Variants in ELP4 observed in about 807,000 individuals in gnomAD.
ELP4 encodes the protein elongator complex protein 4.
In ELP4, 51 loss-of-function variants were observed where a neutral mutation model predicts 48.9. The ratio of observed to expected loss-of-function variants is 1.04; its 90% CI spans 0.83 to 1.32. The LOEUF is 1.32. Among genes scored for constraint, ELP4 ranks in the 40% most tolerant of loss-of-function variants. ELP4 has a pLI of 0.00. For missense variants in ELP4, 519 were observed against 514.6 expected, an observed-to-expected ratio of 1.01 and a Z score of -0.08; for synonymous variants, 210 against 189.2, an observed-to-expected ratio of 1.11 and a Z score of -0.90.
intron 3 of ELP4, among the ~76,000 whole-genome samples, chr11:31,560,894 GC>G (rs1269088013): frequency 6.6e-6 from 1 of 151,576 alleles, no homozygotes; most frequent in Non-Finnish European, 1.5e-5. Flanking sequence ...TGTTATATTT[GC>G]CCACAATCTT....
chr11:31,730,662 G>A (rs1052440316), intron 9 of ELP4, among the ~76,000 whole-genome samples: 1 of 152,162 alleles, frequency 6.6e-6, no homozygotes, highest in Admixed American at 6.5e-5. Context: ...GGCACTGAGA[G>A]CAAGAGCTTG....
intron 9 of ELP4, among the ~76,000 whole-genome samples, chr11:31,723,469 A>G (rs1413237667): frequency 2.0e-5 from 3 of 152,102 alleles, no homozygotes; most frequent in Admixed American, 2.0e-4. Context: ...TAAACCCCAA[A>G]CACAGGACCC....
chr11:31,633,769 A>G (rs2134048715), intron 7 of ELP4: 1 of 152,054 alleles, frequency 6.6e-6, no homozygotes, highest in African/African-American at 2.4e-5. Context: ...TACTACTTAT[A>G]CTACTACTAC....
intron 7 of ELP4, among the ~76,000 whole-genome samples, chr11:31,637,855 C>T (rs957041371): frequency 3.9e-5 from 6 of 151,904 alleles, no homozygotes; most frequent in Non-Finnish European, 5.9e-5. Flanking sequence ...ACCAATAACA[C>T]TTATTCTTTT....
chr11:31,752,850 A>G (rs112726226), intron 9 of ELP4, among the ~76,000 whole-genome samples: 3 of 150,764 alleles, frequency 2.0e-5, no homozygotes, highest in Non-Finnish European at 4.4e-5. Flanking sequence ...AAAAAAAAAA[A>G]AAGAACTGGA....
intron 7 of ELP4, among the ~76,000 whole-genome samples, chr11:31,640,838 G>A (rs558603620): frequency 6.6e-6 from 1 of 152,064 alleles, no homozygotes; most frequent in Admixed American, 6.6e-5. Context: ...TAGAGCCACT[G>A]TAAGAAAGTC....
At chr11:31,591,873 G>C (rs1450981592) in intron 3 of ELP4, among the ~76,000 whole-genome samples, 3 of 152,152 alleles carry the variant, frequency 2.0e-5, no homozygotes, top group African/African-American at 7.2e-5. Flanking sequence ...CAGGTGATGA[G>C]TAGTTAATGT....
chr11:31,584,777 G>A (rs940481082), intron 3 of ELP4, among the ~76,000 whole-genome samples: 1 of 152,124 alleles, frequency 6.6e-6, no homozygotes, highest in East Asian at 1.9e-4. Flanking sequence ...TGCCCACCTC[G>A]GCTTCCCAAA....
chr11:31,774,207 CCT>C (rs1220892341), intron 9 of ELP4, among the ~76,000 whole-genome samples: 5 of 152,150 alleles, frequency 3.3e-5, no homozygotes, highest in Non-Finnish European at 1.5e-5. Flanking sequence ...AACATTCTGG[CCT>C]CTCTACCCTT....
intron 9 of ELP4, among the ~76,000 whole-genome samples, chr11:31,714,169 A>G (rs1264609786): frequency 6.6e-6 from 1 of 152,152 alleles, no homozygotes; most frequent in Non-Finnish European, 1.5e-5. Flanking sequence ...GAGCCAGGCA[A>G]TACATTTTAG....
intron 9 of ELP4, among the ~76,000 whole-genome samples, chr11:31,662,206 CAAAA>C (rs1565100846): frequency 6.6e-6 from 1 of 151,614 alleles, no homozygotes; most frequent in Non-Finnish European, 1.5e-5. Flanking sequence ...CAGTCAAAAA[CAAAA>C]AAAGTACATG....
intron 9 of ELP4, among the ~76,000 whole-genome samples, chr11:31,766,666 A>G (rs1360860334): frequency 6.6e-6 from 1 of 152,088 alleles, no homozygotes; most frequent in Admixed American, 6.6e-5. Flanking sequence ...TTTAGGATGC[A>G]AACACCTATA....
rs192846080 is a variant in ELP4 at position 31,569,198 on chromosome 11, G to C, written c.382-25572G>C. On this transcript the variant is annotated intron_variant, in intron 3 of 9. Transcript: ENST00000640961. ...CCTTCTGGACATCAGCCTTGGCAAA[G>C]AATTCATGACTAAGTACTCAAAAGC... is the stretch of plus-strand genomic sequence containing the variant. Among the ~76,000 whole-genome samples the C allele has an allele frequency of 1.6e-3, 240 of 152,210 alleles. 2 individuals carry two copies. Among genetic ancestry groups the C allele is most frequent in the Non-Finnish European group, 8.8e-5 (6 of 67,994 alleles).
chr11:31,509,812 G>A lies in ELP4; in HGVS notation c.28G>A (p.Val10Ile), dbSNP rs1024952876. The change falls in exon 1 of 10, where the codon GTT becomes ATT. Residue 10 changes from valine (V) to isoleucine (I), a missense_variant. By Grantham distance (29) the Val-to-Ile change is conservative (BLOSUM62 3). Coordinates refer to ENST00000640961, the MANE Select transcript of ELP4 (RefSeq NM_019040.5). MAAVATCGS[V>I]AASTGSAVAT... is the part of the protein sequence containing the mutation. ...GGCGGCAGTGGCAACCTGCGGTAGT[G>A]TTGCCGCGAGTACTGGGTCTGCAGT... The A allele has an allele frequency of 9.9e-6, 16 of 1,614,022 alleles. No individual in the cohort carries two copies. The highest frequency in any genetic ancestry group is 6.7e-5 in the African/African-American group (5 of 74,930).
rs557077376 is a variant in ELP4, at chr11:31,611,517, G to A, written c.653+7610G>A. 3.5e-4 allele frequency among the ~76,000 whole-genome samples: 54 copies of A among 152,276 alleles called. 2 individuals carry two copies. In the Middle Eastern group the frequency reaches 0.01, roughly 29 times the overall value. ...CTCTCATCTCACTGGATCTCATTGA[G>A]GTTGGGGAAAGGGGAAAGGGAATAT... On this transcript the variant is annotated intron_variant, in intron 5 of 9. Transcript: ENST00000640961.
At chr11:31,664,627 A>T (rs1945633236) in intron 9 of ELP4, among the ~76,000 whole-genome samples, 2 of 152,190 alleles carry the variant, frequency 1.3e-5, no homozygotes, top group African/African-American at 4.8e-5. Flanking sequence ...TGAGAAAGTC[A>T]TCAAACTGTA....
chr11:31,522,859 CTT>C (rs1161716080), intron 2 of ELP4, among the ~76,000 whole-genome samples: 17 of 137,956 alleles, frequency 1.2e-4, no homozygotes, highest in South Asian at 2.3e-4. Flanking sequence ...AAGTTCTCCA[CTT>C]TTTTTTTTTT....
rs574156983 is a variant in ELP4 at position 31,722,476 on chromosome 11, C to T, written c.1144-60917C>T. Reference sequence around the variant, plus strand: ...TAATAATCAATCATCTGTGACTTCTCAGTGAAAATGCCTAGTAAAAGTTGT... The same window carrying T: ...TAATAATCAATCATCTGTGACTTCTTAGTGAAAATGCCTAGTAAAAGTTGT... On this transcript the variant is annotated intron_variant, in intron 9 of 9. Coordinates refer to ENST00000640961, the MANE Select transcript of ELP4 (RefSeq NM_019040.5). 6.4e-4 allele frequency among the ~76,000 whole-genome samples: 97 copies of T among 152,248 alleles called. 1 individual carries two copies. The highest frequency in any genetic ancestry group is 2.2e-3 in the African/African-American group (93 of 41,554).
chr11:31,706,767 T>C (rs1389276836), intron 9 of ELP4, among the ~76,000 whole-genome samples: 1 of 152,000 alleles, frequency 6.6e-6, no homozygotes, highest in Non-Finnish European at 1.5e-5. Context: ...ACCTGTGTTC[T>C]ACTTTTTATA....
Sources: gnomAD v4.1 joint callset for allele counts (sites outside exome capture counted in the v4.1 genomes callset) on GRCh38, gnomAD v4.1.1 for gene constraint, MANE v1.5 for transcripts, NCBI Gene and HGNC (gene_info 2026-07-23, HGNC 2026-07-21) for gene names.